MARCHF4: variants seen among roughly 807,000 people sequenced by gnomAD.
MARCHF4 encodes membrane associated ring-CH-type finger 4.
In MARCHF4, 14 loss-of-function variants were observed where a neutral mutation model predicts 43.9. The observed-to-expected ratio is 0.32, with a 90% CI of 0.21 to 0.50. MARCHF4 has a LOEUF of 0.50. Ranked by LOEUF, MARCHF4 falls within the 20% of genes least tolerant of loss-of-function variation. The pLI, the probability that MARCHF4 is intolerant of heterozygous loss-of-function variation, is 0.98. For missense variants in MARCHF4, 468 were observed against 536.7 expected (o/e 0.87, Z 1.27); for synonymous variants, 226 against 213.3 (o/e 1.06, Z -0.52).
chr2:216,277,091 C>G (rs951043136), intron 3 of MARCHF4, among the ~76,000 whole-genome samples: 1 of 152,188 alleles, frequency 6.6e-6, no homozygotes, highest in African/African-American at 2.4e-5. Context: ...TGAAGCCTCT[C>G]TGTGCGGCAT....
At chr2:216,361,554 G>A (rs1692579354) in intron 1 of MARCHF4, among the ~76,000 whole-genome samples, 1 of 152,186 alleles carries the variant, frequency 6.6e-6, no homozygotes, top group South Asian at 2.1e-4. Flanking sequence ...AGCAGAGAGT[G>A]CTGCTTAATA....
At chr2:216,272,298 C>T (rs1361494500) in intron 3 of MARCHF4, among the ~76,000 whole-genome samples, 1 of 152,148 alleles carries the variant, frequency 6.6e-6, no homozygotes, top group Non-Finnish European at 1.5e-5. Context: ...TCTCAGGCTT[C>T]TCTCTCAATT....
At chr2:216,342,671 G>A (rs1160866013) in intron 1 of MARCHF4, among the ~76,000 whole-genome samples, 1 of 152,128 alleles carries the variant, frequency 6.6e-6, no homozygotes, top group African/African-American at 2.4e-5. Flanking sequence ...GGGTCTTAGT[G>A]AGGACTCAGA....
intron 1 of MARCHF4, among the ~76,000 whole-genome samples, chr2:216,366,578 T>A (rs1692668958): frequency 6.6e-6 from 1 of 152,192 alleles, no homozygotes; most frequent in South Asian, 2.1e-4. Flanking sequence ...CTTTTGAACT[T>A]GCTATTTCCT....
At chr2:216,303,408 C>A (rs1180456677) in intron 1 of MARCHF4, 1 of 152,238 alleles carries the variant, frequency 6.6e-6, no homozygotes, top group African/African-American at 2.4e-5. Flanking sequence ...AGATAATTGA[C>A]TGCACAAATC....
At chr2:216,294,003 A>C (rs62181071) in intron 1 of MARCHF4, among the ~76,000 whole-genome samples, 10,037 of 100,840 alleles carry the variant, frequency 0.1, 2,243 homozygotes, top group Non-Finnish European at 0.17. Context: ...CCAAACAGCT[A>C]CAGTTAAAGA....
chr2:216,357,830 T>G (rs1692523636), intron 1 of MARCHF4, among the ~76,000 whole-genome samples: 1 of 152,232 alleles, frequency 6.6e-6, no homozygotes, highest in Admixed American at 6.5e-5. Context: ...CCATATACTT[T>G]TGAAAAATAG....
At chr2:216,356,126 G>T (rs1692498293) in intron 1 of MARCHF4, among the ~76,000 whole-genome samples, 1 of 152,200 alleles carries the variant, frequency 6.6e-6, no homozygotes. Flanking sequence ...CATTCCTTCA[G>T]TGTGCGAAGG....
chr2:216,354,848 C>G (rs1209753430), intron 1 of MARCHF4, among the ~76,000 whole-genome samples: 1 of 152,152 alleles, frequency 6.6e-6, no homozygotes, highest in African/African-American at 2.4e-5. Flanking sequence ...CTTGTCTACT[C>G]TCAGTTAATT....
chr2:216,300,533 G>T (rs1296748180), intron 1 of MARCHF4, among the ~76,000 whole-genome samples: 1 of 151,778 alleles, frequency 6.6e-6, no homozygotes, highest in East Asian at 1.9e-4. Flanking sequence ...ATTTTATAGA[G>T]AAGGGTTTCA....
At position 216,371,660 on chromosome 2, in the gene MARCHF4, G is replaced by C. The variant is rs1380854957; in HGVS notation, c.-1400C>G. On this transcript the variant is annotated 5_prime_UTR_variant, in exon 1 of 4. Transcript: ENST00000273067. ...CCCTGAGCCCCCGCGCCCGGGCAGC[G>C]CTGCCATGCAACCAGAGGCGAGGCC... The C allele has an allele frequency of 6.6e-6, 1 of 152,432 alleles. No individual in the cohort carries two copies. Among genetic ancestry groups the C allele is most frequent in the Non-Finnish European group, 1.5e-5 (1 of 68,194 alleles). The allele number at this position is 152,432 out of a possible 1,614,324, so 9.4% of individuals were successfully genotyped here. A position where few individuals can be genotyped will look rare whatever the true frequency, so the allele number is the denominator to read the frequency against.
intron 3 of MARCHF4, among the ~76,000 whole-genome samples, chr2:216,277,394 A>G (rs1185504397): frequency 6.6e-6 from 1 of 151,910 alleles, no homozygotes; most frequent in Non-Finnish European, 1.5e-5. Flanking sequence ...TAGACTAACA[A>G]TTTTTCCCAA....
At chr2:216,319,579 T>C (rs1691846347) in intron 1 of MARCHF4, among the ~76,000 whole-genome samples, 2 of 152,194 alleles carry the variant, frequency 1.3e-5, no homozygotes, top group Non-Finnish European at 2.9e-5. Context: ...ATTTTCAAAT[T>C]ATTCATGCCC....
chr2:216,318,909 C>T (rs1691830409), intron 1 of MARCHF4, among the ~76,000 whole-genome samples: 2 of 151,996 alleles, frequency 1.3e-5, no homozygotes, highest in Admixed American at 1.3e-4. Context: ...TGAAAGCAGT[C>T]TATGTAGGGG....
chr2:216,318,074 ACAGCAGGAAGCTCGATT>A (rs1469373593), intron 1 of MARCHF4: 3 of 152,216 alleles, frequency 2.0e-5, no homozygotes, highest in Non-Finnish European at 4.4e-5. Flanking sequence ...TTTCCTTCTT[ACAGCAGGAAGCTCGATT>A]CAAGTCACCA....
intron 1 of MARCHF4, among the ~76,000 whole-genome samples, chr2:216,339,699 C>T (rs1376900609): frequency 6.6e-6 from 1 of 152,156 alleles, no homozygotes; most frequent in East Asian, 1.9e-4. Flanking sequence ...ATTCATCCAT[C>T]TGTTCATTCG....
At chr2:216,300,529 T>C (rs1012101173) in intron 1 of MARCHF4, among the ~76,000 whole-genome samples, 15 of 151,882 alleles carry the variant, frequency 9.9e-5, no homozygotes, top group African/African-American at 3.1e-4. Flanking sequence ...GTATATTTTA[T>C]AGAGAAGGGT....
chr2:216,346,293 C>A (rs913333740), intron 1 of MARCHF4, among the ~76,000 whole-genome samples: 2 of 147,118 alleles, frequency 1.4e-5, no homozygotes, highest in Non-Finnish European at 3.0e-5. Context: ...CCATCAAAGG[C>A]AAGCTCTGCT....
intron 1 of MARCHF4, among the ~76,000 whole-genome samples, chr2:216,306,901 T>G (rs1691595739): frequency 6.6e-6 from 1 of 152,140 alleles, no homozygotes; most frequent in Admixed American, 6.5e-5. Context: ...ATAAGTATAC[T>G]GTGTTCACTG....
Sources: gnomAD v4.1 joint callset for allele counts (sites outside exome capture counted in the v4.1 genomes callset) on GRCh38, gnomAD v4.1.1 for gene constraint, MANE v1.5 for transcripts, NCBI Gene and HGNC (gene_info 2026-07-23, HGNC 2026-07-21) for gene names.